Variants in ENOX2 observed in about 807,000 individuals in gnomAD.
ENOX2 encodes ecto-NOX disulfide-thiol exchanger 2.
ENOX2 carries 36 observed loss-of-function variants against 45.0 expected under a neutral mutation model. The ratio of observed to expected loss-of-function variants is 0.80; its 90% CI spans 0.61 to 1.06. The LOEUF (loss-of-function observed/expected upper bound fraction) is 1.06. Among genes scored for constraint, ENOX2 ranks in the 50% least tolerant of loss-of-function variants. The probability of loss-of-function intolerance (pLI) is 0.00; values close to 1 mark genes in which losing one functional copy is unlikely to be tolerated. For missense variants in ENOX2, 423 were observed against 462.5 expected, an observed-to-expected ratio of 0.91 and a Z score of 0.78; for synonymous variants, 174 against 152.3, an observed-to-expected ratio of 1.14 and a Z score of -1.05.
chrX:130,874,047 C>CA (rs1023457104), intron 2 of ENOX2, among the ~76,000 whole-genome samples: 22 of 108,483 alleles, frequency 2.0e-4, no homozygotes, highest in East Asian at 5.8e-4. Flanking sequence ...GTATAACAAA[C>CA]AAAAAAAAAG....
chrX:130,625,582 G>C (rs986524335), intron 14 of ENOX2, 137 bp from the exon 15 acceptor site: 3 of 574,726 alleles, frequency 5.2e-6, no homozygotes, highest in Non-Finnish European at 7.8e-6. Context: ...TGCTCCTTGC[G>C]CATTTGTGTG....
intron 2 of ENOX2, among the ~76,000 whole-genome samples, chrX:130,800,922 T>C (rs1304435611): frequency 2.7e-5 from 3 of 112,452 alleles, no homozygotes; most frequent in African/African-American, 9.7e-5. Flanking sequence ...GTATAGTATA[T>C]ACCATTTGGA....
intron 3 of ENOX2, among the ~76,000 whole-genome samples, chrX:130,759,137 C>G (rs1393616161): frequency 9.1e-6 from 1 of 110,385 alleles, no homozygotes; most frequent in Non-Finnish European, 1.9e-5. Flanking sequence ...AACCTTAGGT[C>G]CTGAAAATTT....
intron 3 of ENOX2, among the ~76,000 whole-genome samples, chrX:130,742,724 C>G (rs1187421642): frequency 8.9e-6 from 1 of 111,810 alleles, no homozygotes; most frequent in African/African-American, 3.3e-5. Flanking sequence ...AATAGCTTAT[C>G]CAAAGCTACA....
chrX:130,744,654 A>G (rs186698615), intron 3 of ENOX2, among the ~76,000 whole-genome samples: 26 of 112,336 alleles, frequency 2.3e-4, no homozygotes, highest in Admixed American at 2.1e-3. Flanking sequence ...AATTTCAAAA[A>G]GCTTTCATTT....
intron 6 of ENOX2, among the ~76,000 whole-genome samples, chrX:130,672,399 C>A (rs1439657923): frequency 8.9e-6 from 1 of 112,062 alleles, no homozygotes; most frequent in African/African-American, 3.2e-5. Context: ...CCCTCCAGGG[C>A]CCCCGCACAC....
Position 130,761,718 on chromosome X carries a change from G to C in ENOX2, c.-39+21829C>G, listed in dbSNP as rs772079020. 6.3e-5 allele frequency among the ~76,000 whole-genome samples: 7 copies of C among 110,414 alleles called. No individual in the cohort carries two copies. The East Asian group carries it at 2.0e-3, about 32-fold the overall frequency. ...AAGCAAAGGGCTGGGGCAGGGGGAG[G>C]TGCCACACACTTTAAAATGGTCAGA... On this transcript the variant is annotated intron_variant, in intron 3 of 14. Coordinates refer to ENST00000394363, the MANE Select transcript of ENOX2 (RefSeq NM_006375.4).
At chrX:130,676,260 A>G (rs2037147335) in intron 6 of ENOX2, among the ~76,000 whole-genome samples, 1 of 111,159 alleles carries the variant, frequency 9.0e-6, no homozygotes, top group African/African-American at 3.3e-5. Flanking sequence ...AAGGTGCTCC[A>G]ATTCCATCAG....
At chrX:130,829,871 T>G (rs181038536) in intron 2 of ENOX2, among the ~76,000 whole-genome samples, 408 of 112,051 alleles carry the variant, frequency 3.6e-3, no homozygotes, top group Non-Finnish European at 6.0e-3. Context: ...AAACATTTTA[T>G]TAATGAGAAA....
intron 3 of ENOX2, among the ~76,000 whole-genome samples, chrX:130,751,637 A>C (rs2039223924): frequency 8.9e-6 from 1 of 111,963 alleles, no homozygotes; most frequent in Admixed American, 9.5e-5. Context: ...GGAACCACCA[A>C]AGTGTTTTCT....
At chrX:130,769,840 G>A (rs1319341388) in intron 3 of ENOX2, among the ~76,000 whole-genome samples, 1 of 112,282 alleles carries the variant, frequency 8.9e-6, no homozygotes, top group Admixed American at 9.4e-5. Flanking sequence ...TGTCCTGAGA[G>A]CATTTTTAAA....
At chrX:130,723,936 C>T (rs1297868668) in intron 3 of ENOX2, among the ~76,000 whole-genome samples, 1 of 111,592 alleles carries the variant, frequency 9.0e-6, no homozygotes, top group East Asian at 2.8e-4. Context: ...GCAGGGATGA[C>T]GCCTAATATA....
At chrX:130,828,859 A>T (rs1603362699) in intron 2 of ENOX2, among the ~76,000 whole-genome samples, 1 of 111,838 alleles carries the variant, frequency 8.9e-6, no homozygotes, top group East Asian at 2.8e-4. Flanking sequence ...CTTTGTCTAG[A>T]AGTGAAAGGC....
At position 130,824,233 on chromosome X, in the gene ENOX2, C is replaced by T. The variant is rs2077673979; in HGVS notation, c.-182-40543G>A. ...AAAAACACAAATAACATGATATCTA[C>T]CCTCTTAACAAAATTTTAAATGTAC... On this transcript the variant is annotated intron_variant, in intron 2 of 14. Coordinates refer to ENST00000394363, the MANE Select transcript of ENOX2 (RefSeq NM_006375.4). Among the ~76,000 whole-genome samples the T allele has an allele frequency of 2.7e-5, 3 of 111,544 alleles. No homozygotes were observed. In the South Asian group the frequency reaches 1.1e-3, roughly 42 times the overall value.
chrX:130,685,525 A>G (rs1443028260), intron 5 of ENOX2, among the ~76,000 whole-genome samples: 1 of 112,376 alleles, frequency 8.9e-6, no homozygotes. Context: ...AAACTAAATC[A>G]TAGCAGTGGT....
rs190212306 is a variant in ENOX2, at chrX:130,641,270, C to T, written c.1130-3860G>A. On this transcript the variant is annotated intron_variant, in intron 10 of 14. Coordinates refer to ENST00000394363, the MANE Select transcript of ENOX2 (RefSeq NM_006375.4). The stretch of plus-strand genomic sequence containing the variant: ...GAGGAGCACAAATAAACATTATATC[C>T]GACTTCTTTTCAGAAATTGTGCAAA... Among the ~76,000 whole-genome samples, 438 of 111,652 alleles carry T rather than the reference C, an allele frequency of 3.9e-3. 3 individuals are homozygous for T. The highest frequency in any genetic ancestry group is 0.014 in the African/African-American group (424 of 30,700).
intron 2 of ENOX2, among the ~76,000 whole-genome samples, chrX:130,872,655 G>C (rs1485707022): frequency 2.7e-5 from 3 of 111,753 alleles, no homozygotes. Flanking sequence ...ATACTACAAG[G>C]CTACAGTAAC....
intron 2 of ENOX2, among the ~76,000 whole-genome samples, chrX:130,805,126 G>A (rs1437283693): frequency 9.0e-6 from 1 of 111,597 alleles, no homozygotes; most frequent in Non-Finnish European, 1.9e-5. Flanking sequence ...GGACTTCTCA[G>A]CTTCTAAACT....
Position 130,703,144 on chromosome X carries a change from T to C in ENOX2, c.73A>G (p.Ile25Val). The C allele has an allele frequency of 8.3e-7, 1 of 1,208,137 alleles. No individual in the cohort carries two copies. Among genetic ancestry groups the C allele is most frequent in the Non-Finnish European group, 1.1e-6 (1 of 893,369 alleles). ...CCAGGTAAAATTGGTTGTCCGGCAA[T>C]TCCCAGCGGTGCCATTCCAAGATTA... ...MNNLGMAPLG[I>V]AGQPILPDFD... is the part of the protein sequence containing the mutation. Residue 25 changes from isoleucine (I) to valine (V), a missense_variant, in exon 4 of 15, where the codon ATT becomes GTT. Physicochemically the swap from Ile to Val is conservative, Grantham distance 29 (BLOSUM62 3). Around this residue, in one of 5 missense-constraint regions of ENOX2, gnomAD observed 261 missense variants for 306.8 expected, o/e 0.85. Transcript: ENST00000394363.
Sources: allele counts gnomAD v4.1 joint callset (sites outside exome capture counted in the v4.1 genomes callset), GRCh38; gene constraint gnomAD v4.1.1; regional missense constraint gnomAD v4.1.1; transcripts MANE v1.5; gene names NCBI Gene and HGNC (gene_info 2026-07-23, HGNC 2026-07-21).